TENM3: variants seen among roughly 807,000 people sequenced by gnomAD.
TENM3 encodes the protein teneurin-3.
TENM3 carries 63 observed loss-of-function variants against 255.1 expected under a neutral mutation model. The ratio of observed to expected loss-of-function variants is 0.25; its 90% confidence interval spans 0.20 to 0.30. The LOEUF (loss-of-function observed/expected upper bound fraction) is 0.30. TENM3 is among the 10% of genes least tolerant of loss of function. The pLI is 1.00. For missense variants in TENM3, 2,929 were observed against 3,461.1 expected (o/e 0.85, Z 3.86); for synonymous variants, 1,306 against 1,322.3 (o/e 0.99, Z 0.27).
chr4:181,826,431 C>T, the TENM3 span, among the ~76,000 whole-genome samples: 2 of 152,172 alleles, frequency 1.3e-5, no homozygotes, highest in Non-Finnish European at 2.9e-5. Context: ...ATTTATTTGT[C>T]TCACAAAGTT....
the TENM3 span, among the ~76,000 whole-genome samples, chr4:182,070,965 T>C: frequency 6.6e-6 from 1 of 152,204 alleles, no homozygotes; most frequent in Non-Finnish European, 1.5e-5. Flanking sequence ...GGACTCCTTT[T>C]ACCTCCATTC....
At chr4:182,731,826 G>A (rs1469151862) in intron 16 of TENM3, among the ~76,000 whole-genome samples, 1 of 148,938 alleles carries the variant, frequency 6.7e-6, no homozygotes, top group African/African-American at 2.5e-5. Flanking sequence ...CTGTCGCCCA[G>A]GCTGGAGTGC....
intron 6 of TENM3, among the ~76,000 whole-genome samples, chr4:182,661,856 T>G (rs1361562545): frequency 6.6e-6 from 1 of 152,240 alleles, no homozygotes; most frequent in Non-Finnish European, 1.5e-5. Flanking sequence ...GACAGTGAAT[T>G]TCTTTTCTGC....
At chr4:182,023,620 A>C in the TENM3 span, among the ~76,000 whole-genome samples, 1 of 152,220 alleles carries the variant, frequency 6.6e-6, no homozygotes, top group Non-Finnish European at 1.5e-5. Flanking sequence ...CCCCCTGTGC[A>C]TGGAAAATTG....
the TENM3 span, among the ~76,000 whole-genome samples, chr4:181,759,932 G>A: frequency 6.6e-6 from 1 of 152,084 alleles, no homozygotes; most frequent in African/African-American, 2.4e-5. Context: ...TGACTGAACA[G>A]GTAACTTGCT....
At chr4:182,487,518 T>G (rs563823916) in intron 3 of TENM3, among the ~76,000 whole-genome samples, 1 of 152,262 alleles carries the variant, frequency 6.6e-6, no homozygotes, top group African/African-American at 2.4e-5. Flanking sequence ...ATTTGGAACC[T>G]TGGTGTATTA....
intron 22 of TENM3, among the ~76,000 whole-genome samples, chr4:182,763,432 G>C (rs556082556): frequency 6.6e-6 from 1 of 152,224 alleles, no homozygotes; most frequent in African/African-American, 2.4e-5. Flanking sequence ...GGGCGTGGTG[G>C]CGGGCATCTG....
At chr4:181,873,461 T>G in the TENM3 span, among the ~76,000 whole-genome samples, 1 of 152,220 alleles carries the variant, frequency 6.6e-6, no homozygotes, top group Non-Finnish European at 1.5e-5. Context: ...TATCATCATT[T>G]AACTCAAAAT....
At chr4:182,610,323 C>T (rs55903810) in intron 4 of TENM3, among the ~76,000 whole-genome samples, 30,523 of 152,034 alleles carry the variant, frequency 0.2, 3,657 homozygotes, top group Non-Finnish European at 0.27. Context: ...AAAGGACCTG[C>T]AGATGTTTTG....
chr4:181,708,669 A>C, the TENM3 span, among the ~76,000 whole-genome samples: 1 of 152,038 alleles, frequency 6.6e-6, no homozygotes, highest in South Asian at 2.1e-4. Flanking sequence ...TAATGTTCTC[A>C]ATCTTGGCTA....
the TENM3 span, among the ~76,000 whole-genome samples, chr4:181,680,969 G>T: frequency 6.6e-6 from 1 of 152,054 alleles, no homozygotes; most frequent in Non-Finnish European, 1.5e-5. Flanking sequence ...TGAGCTAGAA[G>T]ATAAACTGAA....
chr4:182,546,512 T>G (rs919063762), intron 3 of TENM3, among the ~76,000 whole-genome samples: 1 of 152,102 alleles, frequency 6.6e-6, no homozygotes, highest in African/African-American at 2.4e-5. Flanking sequence ...TATGGCTCAC[T>G]GAAGCCTCAA....
chr4:182,673,610 GAA>G (rs1755408502), intron 7 of TENM3, among the ~76,000 whole-genome samples: 1 of 152,094 alleles, frequency 6.6e-6, no homozygotes, highest in Non-Finnish European at 1.5e-5. Context: ...TCATTCTGTT[GAA>G]AATGTATTTT....
the TENM3 span, among the ~76,000 whole-genome samples, chr4:182,066,775 G>A: frequency 2.6e-5 from 4 of 151,876 alleles, no homozygotes; most frequent in East Asian, 5.8e-4. Context: ...GCCGGGCGTG[G>A]TGGCAGGCGC....
chr4:181,936,805 C>T, the TENM3 span, among the ~76,000 whole-genome samples: 4 of 151,694 alleles, frequency 2.6e-5, no homozygotes, highest in Non-Finnish European at 5.9e-5. Context: ...AAGGAAAGCC[C>T]AGGACTAAAA....
At chr4:182,046,894 T>C in the TENM3 span, among the ~76,000 whole-genome samples, 1 of 152,220 alleles carries the variant, frequency 6.6e-6, no homozygotes, top group Non-Finnish European at 1.5e-5. Flanking sequence ...ATCGTCAATG[T>C]TCTTATAGGC....
chr4:181,730,021 C>G, the TENM3 span, among the ~76,000 whole-genome samples: 6 of 152,140 alleles, frequency 3.9e-5, no homozygotes, highest in African/African-American at 7.2e-5. Context: ...GTCTCTCGCG[C>G]GGACCAAAGG....
At chr4:181,853,742 A>G in the TENM3 span, among the ~76,000 whole-genome samples, 12,180 of 151,998 alleles carry the variant, frequency 0.08, 672 homozygotes, top group African/African-American at 0.15. Context: ...AGGGAAAGGA[A>G]ATATACTGGG....
chr4:182,223,026 G>T (rs533295310), intron 1 of TENM3, among the ~76,000 whole-genome samples: 1 of 152,226 alleles, frequency 6.6e-6, no homozygotes, highest in Non-Finnish European at 1.5e-5. Context: ...TGCACAAATA[G>T]GAAGCAGGTT....
Sources: allele counts gnomAD v4.1 joint callset (sites outside exome capture counted in the v4.1 genomes callset), GRCh38; gene constraint gnomAD v4.1.1; transcripts MANE v1.5; gene names NCBI Gene and HGNC (gene_info 2026-07-23, HGNC 2026-07-21).